GSDME: variants seen among roughly 807,000 people sequenced by gnomAD.
The protein encoded by GSDME is gasdermin-E.
Under a neutral mutation model 47.5 loss-of-function variants are expected in GSDME, and 44 were observed. That is an observed-to-expected ratio of 0.93 (90% CI 0.73 to 1.19). GSDME has a LOEUF of 1.19. GSDME is among the 50% of genes most tolerant of loss of function. The pLI, the probability that GSDME is intolerant of heterozygous loss-of-function variation, is 0.00. For synonymous variants in GSDME, 258 were observed against 252.8 expected, an observed-to-expected ratio of 1.02 and a Z score of -0.20; for missense variants, 663 against 604.2, an observed-to-expected ratio of 1.10 and a Z score of -1.02.
chr7:24,775,679 A>T, the GSDME span, among the ~76,000 whole-genome samples: 1 of 151,920 alleles, frequency 6.6e-6, no homozygotes, highest in Admixed American at 6.6e-5. Context: ...GTTTGAGACC[A>T]GCCTGGCCAA....
chr7:24,791,584 C>T, the GSDME span, among the ~76,000 whole-genome samples: 1 of 152,200 alleles, frequency 6.6e-6, no homozygotes, highest in South Asian at 2.1e-4. This position sits in a 1 kb window ranked among gnomAD's most constrained non-coding sequence, Gnocchi z 4.8. Flanking sequence ...GACTGCAGCT[C>T]CTAGCAGTTG....
At chr7:24,750,458 A>T (rs1027817613) in intron 1 of GSDME, among the ~76,000 whole-genome samples, 1 of 152,176 alleles carries the variant, frequency 6.6e-6, no homozygotes, top group African/African-American at 2.4e-5. Flanking sequence ...ATTAAAAATT[A>T]AAAAATTAGC....
At chr7:24,779,103 T>G in the GSDME span, among the ~76,000 whole-genome samples, 1 of 152,162 alleles carries the variant, frequency 6.6e-6, no homozygotes. The surrounding 1 kb of genome is among the most constrained non-coding windows in gnomAD (Gnocchi z 6.0). Context: ...GACAGCCTGA[T>G]GCAACAGCCT....
chr7:24,737,477 A>T (rs1790347148), intron 3 of GSDME, among the ~76,000 whole-genome samples: 1 of 152,166 alleles, frequency 6.6e-6, no homozygotes, highest in African/African-American at 2.4e-5. Context: ...TAACAAAAAA[A>T]ACAAGTAATG....
chr7:24,755,045 G>A (rs1176440586), intron 1 of GSDME, among the ~76,000 whole-genome samples: 1 of 152,214 alleles, frequency 6.6e-6, no homozygotes, highest in African/African-American at 2.4e-5. Flanking sequence ...GAAGTAGGCA[G>A]TGTGAGGAAG....
the GSDME span, among the ~76,000 whole-genome samples, chr7:24,790,601 C>T: frequency 6.6e-6 from 1 of 152,228 alleles, no homozygotes; most frequent in Admixed American, 6.5e-5. This position sits in a 1 kb window ranked among gnomAD's most constrained non-coding sequence, Gnocchi z 4.1. Flanking sequence ...GGTGGGACTC[C>T]AGGTGGGTCC....
At chr7:24,718,585 G>A (rs538533574) in intron 4 of GSDME, among the ~76,000 whole-genome samples, 26 of 152,288 alleles carry the variant, frequency 1.7e-4, no homozygotes, top group African/African-American at 6.3e-4. Context: ...ATTTTTCTTG[G>A]GGAAACATCT....
the GSDME span, among the ~76,000 whole-genome samples, chr7:24,774,536 T>C: frequency 1.3e-5 from 2 of 151,946 alleles, no homozygotes; most frequent in Non-Finnish European, 2.9e-5. Context: ...AAATTAATTA[T>C]ATATTTATTT....
At chr7:24,715,171 A>C (rs1173436233) in intron 5 of GSDME, among the ~76,000 whole-genome samples, 1 of 152,178 alleles carries the variant, frequency 6.6e-6, no homozygotes, top group Non-Finnish European at 1.5e-5. Flanking sequence ...GAACTCACAG[A>C]AGCAGGGGGT....
At chr7:24,723,327 G>C (rs1402081510) in intron 3 of GSDME, among the ~76,000 whole-genome samples, 1 of 152,048 alleles carries the variant, frequency 6.6e-6, no homozygotes, top group South Asian at 2.1e-4. Flanking sequence ...CCCAGGGGGA[G>C]AGCTGGTGTC....
intron 7 of GSDME, chr7:24,707,481 G>C (rs1035537745): frequency 8.6e-6 from 4 of 467,500 alleles, no homozygotes; most frequent in East Asian, 7.0e-5. Flanking sequence ...AATGGAACAG[G>C]CTGACTTTAT....
At chr7:24,706,402 C>A in intron 7 of GSDME, 26 bp from the exon 8 acceptor site, 1 of 1,606,676 alleles carries the variant, frequency 6.2e-7, no homozygotes, top group South Asian at 1.1e-5. Context: ...GAAGAAGGGT[C>A]ATGACACAGC....
chr7:24,772,745 A>T, the GSDME span, among the ~76,000 whole-genome samples: 1 of 152,308 alleles, frequency 6.6e-6, no homozygotes, highest in African/African-American at 2.4e-5. This position sits in a 1 kb window ranked among gnomAD's most constrained non-coding sequence, Gnocchi z 4.5. Context: ...GATTATAGGG[A>T]TGGATTTCCA....
chr7:24,771,579 C>G, the GSDME span, among the ~76,000 whole-genome samples: 3 of 152,156 alleles, frequency 2.0e-5, no homozygotes, highest in African/African-American at 7.2e-5. The surrounding 1 kb of genome is among the most constrained non-coding windows in gnomAD (Gnocchi z 4.1). Flanking sequence ...TGACCTTGAG[C>G]AAGTTGCCTG....
At chr7:24,706,838 T>C (rs1477091866) in intron 7 of GSDME, among the ~76,000 whole-genome samples, 1 of 152,012 alleles carries the variant, frequency 6.6e-6, no homozygotes, top group Non-Finnish European at 1.5e-5. Flanking sequence ...GAGAGCCAGT[T>C]CGGACCACCC....
intron 1 of GSDME, among the ~76,000 whole-genome samples, chr7:24,751,067 C>A (rs1790842481): frequency 6.6e-6 from 1 of 151,970 alleles, no homozygotes; most frequent in Admixed American, 6.6e-5. Flanking sequence ...ATGAGAAGGG[C>A]CTTTAGAAAG....
chr7:24,770,195 A>C, the GSDME span, among the ~76,000 whole-genome samples: 2 of 152,244 alleles, frequency 1.3e-5, no homozygotes, highest in African/African-American at 4.8e-5. This position sits in a 1 kb window ranked among gnomAD's most constrained non-coding sequence, Gnocchi z 4.6. Flanking sequence ...CCATGCCTAC[A>C]TCATGGAACC....
chr7:24,722,470 A>G (rs1029990709), intron 3 of GSDME, among the ~76,000 whole-genome samples: 10 of 152,166 alleles, frequency 6.6e-5, no homozygotes, highest in African/African-American at 1.7e-4. Context: ...TCTTCCTTCT[A>G]TTGCTCAAAA....
chr7:24,758,698 A>C (rs1791114389), upstream of GSDME, among the ~76,000 whole-genome samples: 1 of 152,108 alleles, frequency 6.6e-6, no homozygotes, highest in Non-Finnish European at 1.5e-5. This position sits in a 1 kb window ranked among gnomAD's most constrained non-coding sequence, Gnocchi z 4.6. Flanking sequence ...CCTCACTGTA[A>C]AGCCTTTCCT....
Sources: gnomAD v4.1 joint callset for allele counts (sites outside exome capture counted in the v4.1 genomes callset) on GRCh38, gnomAD v4.1.1 for gene constraint, Gnocchi (gnomAD v3.1) non-coding constraint, MANE v1.5 for transcripts, NCBI Gene and HGNC (gene_info 2026-07-23, HGNC 2026-07-21) for gene names.